Variants in RAD52 observed in about 807,000 individuals in gnomAD.
RAD52 encodes RAD52 DNA repair protein, also known as DNA repair protein RAD52 homolog.
A neutral mutation model predicts 55.5 loss-of-function variants in RAD52; 47 were observed. That is an observed-to-expected ratio of 0.85 (90% CI 0.67 to 1.08). RAD52 has a LOEUF of 1.08. RAD52 is among the 50% of genes least tolerant of loss of function. The pLI, the probability that RAD52 is intolerant of heterozygous loss-of-function variation, is 0.00. For missense variants in RAD52, 468 were observed against 522.8 expected (o/e 0.90, Z 1.02); for synonymous variants, 184 against 198.9 (o/e 0.92, Z 0.63).
At chr12:929,384 C>T (rs1456695866) in intron 5 of RAD52, among the ~76,000 whole-genome samples, 1 of 152,194 alleles carries the variant, frequency 6.6e-6, no homozygotes, top group Non-Finnish European at 1.5e-5. Context: ...TAAGTGCTCA[C>T]TTAACACCTT....
intron 1 of RAD52, among the ~76,000 whole-genome samples, chr12:965,554 A>G (rs938451392): frequency 6.6e-6 from 1 of 152,032 alleles, no homozygotes; most frequent in Non-Finnish European, 1.5e-5. Context: ...AGTGAACAGA[A>G]TCCCCAGTAT....
chr12:954,114 A>C (rs1163846937), upstream of RAD52, among the ~76,000 whole-genome samples: 1 of 152,198 alleles, frequency 6.6e-6, no homozygotes, highest in South Asian at 2.1e-4. Flanking sequence ...CTTCCTGTGC[A>C]TGCTCAGTTT....
chr12:932,977 G>A lies in RAD52; in HGVS notation c.82C>T (p.Gln28Ter). 1.2e-6 allele frequency: 2 copies of A among 1,613,910 alleles called. No homozygotes were observed. The highest frequency in any genetic ancestry group is 8.5e-7 in the Non-Finnish European group (1 of 1,179,944). ...CGGCATGAAGGAACCACAGTTACCT[G>A]TCCAAAGCATAACACTGAGCCGCCG... Reference protein sequence around the residue: ...AGGGSVLCFGQCQYTAEEYQA... With the variant: ...AGGGSVLCFG Residue 28 changes from glutamine (Q) to a stop codon, truncating the protein, a stop_gained and splice_region_variant, in exon 2 of 12, where the codon CAG (glutamine) becomes TAG (stop). Transcript: ENST00000358495. LOFTEE classifies it high-confidence loss of function.
chr12:922,281 G>A (rs1487473048), intron 7 of RAD52, among the ~76,000 whole-genome samples: 1 of 151,390 alleles, frequency 6.6e-6, no homozygotes, highest in African/African-American at 2.4e-5. Context: ...TGCCCTGTTG[G>A]TGGAATGGTA....
rs1410717521 is a variant in RAD52 at position 920,340 on chromosome 12, A to G, written c.544-3520T>C. Among the ~76,000 whole-genome samples, 6 of 118,308 alleles carry G rather than the reference A, an allele frequency of 5.1e-5. 1 individual carries two copies. The allele number at this position is 118,308 out of a possible 152,430, so 77.6% of individuals were successfully genotyped here. A position where few individuals can be genotyped will look rare whatever the true frequency, so the allele number is the denominator to read the frequency against. On this transcript the variant is annotated intron_variant, in intron 7 of 11. Transcript: ENST00000358495. ...GGGAGGCCGAGGTGGGCAGATCACG[A>G]GGTCAGGATATCGAGACCATCCTGG...
chr12:984,291 G>A (rs1169267161), intron 1 of RAD52, among the ~76,000 whole-genome samples: 1 of 151,372 alleles, frequency 6.6e-6, no homozygotes, highest in Admixed American at 6.6e-5. Flanking sequence ...CGCCTCCCGG[G>A]TTCAAGCGAT....
intron 3 of RAD52, among the ~76,000 whole-genome samples, chr12:930,706 C>T (rs1215023149): frequency 6.6e-6 from 1 of 150,380 alleles, no homozygotes; most frequent in Non-Finnish European, 1.5e-5. Context: ...GTGGCCCACA[C>T]CTGTAATCCC....
intron 1 of RAD52, among the ~76,000 whole-genome samples, chr12:959,959 A>C (rs1313863235): frequency 6.6e-6 from 1 of 152,170 alleles, no homozygotes; most frequent in Admixed American, 6.6e-5. Flanking sequence ...AGCAAATACA[A>C]AGGTCCAGAG....
intron 1 of RAD52, among the ~76,000 whole-genome samples, chr12:988,304 T>C (rs577273657): frequency 6.6e-6 from 1 of 152,356 alleles, no homozygotes; most frequent in Non-Finnish European, 1.5e-5. Context: ...GATTGTTACT[T>C]CATCTGAGTA....
At chr12:921,147 G>A (rs183363567) in intron 7 of RAD52, among the ~76,000 whole-genome samples, 109 of 151,726 alleles carry the variant, frequency 7.2e-4, no homozygotes, top group Admixed American at 2.8e-3. Flanking sequence ...TCGTAAGAGG[G>A]AAGTTACACA....
At chr12:950,270 C>A (rs990248449), upstream of RAD52, among the ~76,000 whole-genome samples, 1 of 152,074 alleles carries the variant, frequency 6.6e-6, no homozygotes, top group Non-Finnish European at 1.5e-5. Flanking sequence ...GGGCGAAGTC[C>A]CCTCTAGAAT....
At chr12:951,119 T>A (rs1174139771), upstream of RAD52, among the ~76,000 whole-genome samples, 2 of 151,816 alleles carry the variant, frequency 1.3e-5, no homozygotes, top group African/African-American at 4.8e-5. Context: ...ATTTTTTTTT[T>A]AAAGAGTCAG....
At chr12:946,077 C>T (rs1286653952) in intron 1 of RAD52, among the ~76,000 whole-genome samples, 3 of 152,066 alleles carry the variant, frequency 2.0e-5, no homozygotes, top group Non-Finnish European at 4.4e-5. Flanking sequence ...TCACACTGAT[C>T]ATTTCTCTGC....
intron 1 of RAD52, among the ~76,000 whole-genome samples, chr12:979,848 C>A (rs919524816): frequency 5.3e-5 from 8 of 152,050 alleles, no homozygotes. Context: ...CAGATCGAGA[C>A]CATCCTGGCT....
At chr12:928,056 C>T (rs1012077782) in intron 5 of RAD52, among the ~76,000 whole-genome samples, 6 of 152,128 alleles carry the variant, frequency 3.9e-5, no homozygotes, top group African/African-American at 1.4e-4. Context: ...TTGATGACAG[C>T]GCTCTGTGAT....
chr12:916,264 C>A, intron 9 of RAD52, 80 bp downstream of exon 9: 8 of 1,568,938 alleles, frequency 5.1e-6, no homozygotes, highest in Non-Finnish European at 6.8e-6. Flanking sequence ...CCCAGGGTTA[C>A]CGCAGAGAAT....
intron 1 of RAD52, among the ~76,000 whole-genome samples, chr12:970,845 T>C (rs987158279): frequency 6.6e-6 from 1 of 152,270 alleles, no homozygotes; most frequent in South Asian, 2.1e-4. Flanking sequence ...TTCTCATCAA[T>C]AACCAAAGCC....
intron 1 of RAD52, among the ~76,000 whole-genome samples, chr12:968,086 G>A (rs1442145132): frequency 6.6e-6 from 1 of 152,174 alleles, no homozygotes; most frequent in African/African-American, 2.4e-5. Context: ...CCCTATGAGT[G>A]TTAGCAGTGA....
intron 1 of RAD52, among the ~76,000 whole-genome samples, chr12:957,353 C>T (rs1262916776): frequency 2.0e-5 from 3 of 150,680 alleles, no homozygotes; most frequent in African/African-American, 7.3e-5. Context: ...ATCCCAACTA[C>T]TCGGGAGGCT....
Sources: gnomAD v4.1 joint callset for allele counts (sites outside exome capture counted in the v4.1 genomes callset) on GRCh38, gnomAD v4.1.1 for gene constraint, MANE v1.5 for transcripts, NCBI Gene and HGNC (gene_info 2026-07-23, HGNC 2026-07-21) for gene names.